Variants in LUZP2 observed in about 807,000 individuals in gnomAD.
LUZP2 encodes the protein leucine zipper protein 2.
In LUZP2, 52 loss-of-function variants were observed where a neutral mutation model predicts 51.6. The observed-to-expected ratio is 1.01, with a 90% CI of 0.81 to 1.27. The LOEUF (loss-of-function observed/expected upper bound fraction) is 1.27. LUZP2 is among the 50% of genes most tolerant of loss of function. LUZP2 has a pLI of 0.00. For synonymous variants in LUZP2, 154 were observed against 137.3 expected (o/e 1.12, Z -0.85); for missense variants, 436 against 395.4 (o/e 1.10, Z -0.87).
intron 5 of LUZP2, among the ~76,000 whole-genome samples, chr11:24,818,407 T>C (rs1235487916): frequency 3.9e-5 from 6 of 152,086 alleles, no homozygotes. Context: ...GAAATTGGCA[T>C]GGTTCTGGAA....
intron 9 of LUZP2, among the ~76,000 whole-genome samples, chr11:25,014,527 T>C (rs1486341734): frequency 6.6e-6 from 1 of 152,258 alleles, no homozygotes; most frequent in Non-Finnish European, 1.5e-5. Flanking sequence ...TTCATGTGTC[T>C]GTTGGCTGCA....
At position 25,035,307 on chromosome 11, in the gene LUZP2, G is replaced by T. The variant is rs530760846; in HGVS notation, c.766-14731G>T. Among the ~76,000 whole-genome samples, 8 of 152,002 alleles carry T rather than the reference G, an allele frequency of 5.3e-5. No homozygotes were observed. The East Asian group carries it at 1.5e-3, about 29-fold the overall frequency. ...AAATCATAAAAAAAACTTCCAAAAGGCTTTTATAACTGATAAACAACTTCA... is the reference window on the plus strand; with the variant it reads ...AAATCATAAAAAAAACTTCCAAAAGTCTTTTATAACTGATAAACAACTTCA... On this transcript the variant is annotated intron_variant, in intron 9 of 11. Transcript: ENST00000336930.
chr11:24,953,193 A>G (rs1257586989), intron 7 of LUZP2, among the ~76,000 whole-genome samples: 1 of 151,948 alleles, frequency 6.6e-6, no homozygotes, highest in African/African-American at 2.4e-5. Flanking sequence ...TTAGTAGAAA[A>G]CAATTTTTGA....
chr11:24,675,461 T>G (rs954054260), intron 1 of LUZP2, among the ~76,000 whole-genome samples: 3 of 152,210 alleles, frequency 2.0e-5, no homozygotes, highest in Non-Finnish European at 4.4e-5. Context: ...CATTATGCAG[T>G]GTTTGTAAGT....
At chr11:24,833,710 GCGCA>G (rs1404811226) in intron 5 of LUZP2, among the ~76,000 whole-genome samples, 1 of 141,416 alleles carries the variant, frequency 7.1e-6, no homozygotes, top group Non-Finnish European at 1.5e-5. Flanking sequence ...CACCGCGCGC[GCGCA>G]CACACACACA....
chr11:24,596,794 A>C (rs1853458863), intron 1 of LUZP2, among the ~76,000 whole-genome samples: 1 of 152,212 alleles, frequency 6.6e-6, no homozygotes, highest in Admixed American at 6.5e-5. Flanking sequence ...GAGGAGTGGA[A>C]TGTAGGAACC....
At chr11:24,682,277 TTG>T (rs1192593879) in intron 1 of LUZP2, among the ~76,000 whole-genome samples, 19 of 151,984 alleles carry the variant, frequency 1.3e-4, no homozygotes, top group Middle Eastern at 3.4e-3. Flanking sequence ...GGCAAATCAC[TTG>T]AGGACAGGAG....
At chr11:24,786,645 C>T (rs950245423) in intron 5 of LUZP2, 3 of 25,186 alleles carry the variant, frequency 1.2e-4, no homozygotes, top group African/African-American at 4.6e-4. Flanking sequence ...ATATTATATA[C>T]CACATAGGTA....
intron 1 of LUZP2, among the ~76,000 whole-genome samples, chr11:24,692,095 T>A (rs1320988729): frequency 6.6e-6 from 1 of 152,080 alleles, no homozygotes; most frequent in Non-Finnish European, 1.5e-5. Context: ...TTTTACGTTT[T>A]TTTTTTCTAT....
intron 5 of LUZP2, among the ~76,000 whole-genome samples, chr11:24,889,631 T>A (rs890335616): frequency 6.6e-6 from 1 of 152,210 alleles, no homozygotes; most frequent in Non-Finnish European, 1.5e-5. Flanking sequence ...AGAATCTCAG[T>A]ATGGTCTTTG....
At chr11:24,937,329 A>G (rs1854613236) in intron 7 of LUZP2, among the ~76,000 whole-genome samples, 1 of 152,144 alleles carries the variant, frequency 6.6e-6, no homozygotes, top group Non-Finnish European at 1.5e-5. Flanking sequence ...TAAGTCTTTC[A>G]CTTACCTGGA....
chr11:24,788,189 T>C (rs1325025701), intron 5 of LUZP2, among the ~76,000 whole-genome samples: 1 of 138,556 alleles, frequency 7.2e-6, no homozygotes, highest in East Asian at 2.2e-4. Flanking sequence ...AATTTTTTTT[T>C]TTTTTTTTTT....
At chr11:24,658,735 AC>A (rs1357381929) in intron 1 of LUZP2, among the ~76,000 whole-genome samples, 7 of 152,202 alleles carry the variant, frequency 4.6e-5, no homozygotes, top group African/African-American at 1.7e-4. Flanking sequence ...CAAGAAAAAA[AC>A]AACCCCATCA....
At chr11:25,067,429 G>A (rs540627818) in intron 10 of LUZP2, among the ~76,000 whole-genome samples, 7 of 152,040 alleles carry the variant, frequency 4.6e-5, no homozygotes, top group Non-Finnish European at 8.8e-5. Flanking sequence ...ATTGTTTTTG[G>A]TGTTTTAGTC....
rs758983003 is a variant in LUZP2 at position 24,532,128 on chromosome 11, T to TA, written c.62+34826dup. Among the ~76,000 whole-genome samples the TA allele has an allele frequency of 9.4e-4, 142 of 150,814 alleles. 1 individual carries two copies. In the East Asian group the frequency reaches 0.019, roughly 21 times the overall value. The stretch of plus-strand genomic sequence containing the variant: ...CATTATCAATATTTTGCCACTTTTT[T>TA]AAATTTTTCCACCATTATTTGTGTA... On this transcript the variant is annotated intron_variant, in intron 1 of 11. Transcript: ENST00000336930.
intron 5 of LUZP2, among the ~76,000 whole-genome samples, chr11:24,874,250 G>A (rs1852175930): frequency 6.6e-6 from 1 of 152,152 alleles, no homozygotes; most frequent in Non-Finnish European, 1.5e-5. Context: ...TTCCTGGGAA[G>A]GTGATTCGAG....
chr11:24,513,956 G>A (rs1850388979), intron 1 of LUZP2, among the ~76,000 whole-genome samples: 1 of 152,230 alleles, frequency 6.6e-6, no homozygotes, highest in Non-Finnish European at 1.5e-5. Flanking sequence ...ATGTTTTGAA[G>A]TGTCCAAGTG....
At chr11:24,616,842 A>G (rs2133897465) in intron 1 of LUZP2, among the ~76,000 whole-genome samples, 1 of 152,240 alleles carries the variant, frequency 6.6e-6, no homozygotes, top group Middle Eastern at 3.4e-3. Context: ...TAAGATTTTG[A>G]TAGGAATTTT....
At chr11:24,536,049 T>A (rs931485355) in intron 1 of LUZP2, among the ~76,000 whole-genome samples, 2 of 151,750 alleles carry the variant, frequency 1.3e-5, no homozygotes, top group Non-Finnish European at 2.9e-5. Flanking sequence ...GGCAGTAATA[T>A]TTTGCAAGAA....
Sources: allele counts gnomAD v4.1 joint callset (sites outside exome capture counted in the v4.1 genomes callset), GRCh38; gene constraint gnomAD v4.1.1; transcripts MANE v1.5; gene names NCBI Gene and HGNC (gene_info 2026-07-23, HGNC 2026-07-21).